PPP1R9A: variants seen among roughly 807,000 people sequenced by gnomAD.
PPP1R9A encodes neurabin-1.
In PPP1R9A, 59 loss-of-function variants were observed where a neutral mutation model predicts 141.9. That is an observed-to-expected ratio of 0.42 (90% CI 0.34 to 0.52). The LOEUF (loss-of-function observed/expected upper bound fraction) is 0.52, where lower values mean the gene tolerates loss of function less well. Ranked by LOEUF, PPP1R9A falls within the 20% of genes least tolerant of loss-of-function variation. PPP1R9A has a pLI of 0.10. For missense variants in PPP1R9A, 1,444 were observed against 1,611.9 expected (o/e 0.90, Z 1.78); for synonymous variants, 500 against 569.7 (o/e 0.88, Z 1.74).
At chr7:95,109,207 G>A (rs2152435585) in intron 2 of PPP1R9A, among the ~76,000 whole-genome samples, 1 of 152,266 alleles carries the variant, frequency 6.6e-6, no homozygotes, top group South Asian at 2.1e-4. Context: ...AGTCAAATAT[G>A]TGAATTTCTG....
intron 2 of PPP1R9A, among the ~76,000 whole-genome samples, chr7:95,077,545 T>G (rs941987551): frequency 1.2e-4 from 18 of 152,180 alleles, no homozygotes; most frequent in African/African-American, 3.9e-4. Context: ...ATGAGGGAAC[T>G]GTAGAGGAGG....
chr7:94,960,984 A>T (rs1797576364), intron 2 of PPP1R9A, among the ~76,000 whole-genome samples: 1 of 151,662 alleles, frequency 6.6e-6, no homozygotes. Context: ...GGCAGGGAAG[A>T]TACATGTTCT....
intron 4 of PPP1R9A, among the ~76,000 whole-genome samples, chr7:95,144,907 C>A (rs1443918810): frequency 2.0e-5 from 3 of 152,092 alleles, no homozygotes; most frequent in African/African-American, 7.2e-5. Context: ...ACTGAGTGGA[C>A]AACGTACAAA....
At chr7:95,043,832 C>T (rs1259923679) in intron 2 of PPP1R9A, among the ~76,000 whole-genome samples, 1 of 152,178 alleles carries the variant, frequency 6.6e-6, no homozygotes, top group African/African-American at 2.4e-5. Context: ...AACATCATCT[C>T]TAGACCCAGT....
chr7:95,108,307 CTTTT>C (rs1166103728), intron 2 of PPP1R9A, among the ~76,000 whole-genome samples: 1 of 59,596 alleles, frequency 1.7e-5, no homozygotes. Context: ...CGTTTCTTTT[CTTTT>C]TTTTTTTTTT....
intron 2 of PPP1R9A, among the ~76,000 whole-genome samples, chr7:94,999,637 C>G (rs928247087): frequency 1.4e-4 from 21 of 152,122 alleles, no homozygotes; most frequent in African/African-American, 4.8e-4. Flanking sequence ...AATATTCATC[C>G]AATGAACAGA....
intron 2 of PPP1R9A, among the ~76,000 whole-genome samples, chr7:95,074,726 G>A (rs918653544): frequency 1.3e-4 from 19 of 151,796 alleles, no homozygotes; most frequent in African/African-American, 3.4e-4. Context: ...CACCCGTCTC[G>A]GCCTCCCAAA....
chr7:95,168,126 T>C (rs1831551339), intron 5 of PPP1R9A, among the ~76,000 whole-genome samples: 1 of 152,150 alleles, frequency 6.6e-6, no homozygotes, highest in Admixed American at 6.6e-5. Flanking sequence ...GGCATCACAT[T>C]ACCTGACTTC....
chr7:95,236,230 T>A (rs1796665006), intron 8 of PPP1R9A, among the ~76,000 whole-genome samples: 1 of 152,154 alleles, frequency 6.6e-6, no homozygotes, highest in Non-Finnish European at 1.5e-5. Context: ...TTTTCAGAAA[T>A]TACTTTTATA....
intron 2 of PPP1R9A, among the ~76,000 whole-genome samples, chr7:94,924,306 T>C (rs1793186110): frequency 6.6e-6 from 1 of 152,230 alleles, no homozygotes; most frequent in Admixed American, 6.5e-5. Flanking sequence ...TGTTTTTCCA[T>C]AGAGACTATG....
At chr7:95,183,544 G>A (rs1378951332) in intron 5 of PPP1R9A, among the ~76,000 whole-genome samples, 40 of 141,676 alleles carry the variant, frequency 2.8e-4, no homozygotes, top group Admixed American at 1.4e-3. Flanking sequence ...TCTGCCTCCC[G>A]GGTTCAAGTG....
At chr7:95,048,308 T>G (rs933712128) in intron 2 of PPP1R9A, among the ~76,000 whole-genome samples, 7 of 152,228 alleles carry the variant, frequency 4.6e-5, no homozygotes, top group African/African-American at 1.7e-4. Flanking sequence ...AACAAAGTTT[T>G]AAGATAAACA....
intron 8 of PPP1R9A, among the ~76,000 whole-genome samples, chr7:95,241,802 A>G (rs1293273754): frequency 6.6e-6 from 1 of 152,294 alleles, no homozygotes; most frequent in South Asian, 2.1e-4. Context: ...AGTTATCTTT[A>G]TGGAAGTTTC....
intron 2 of PPP1R9A, among the ~76,000 whole-genome samples, chr7:95,088,070 C>T (rs1381921692): frequency 6.6e-6 from 1 of 151,824 alleles, no homozygotes; most frequent in Non-Finnish European, 1.5e-5. Flanking sequence ...ATTGTTTGAG[C>T]TTTATTCTGT....
At chr7:95,117,707 CT>C (rs1183248750) in intron 3 of PPP1R9A, among the ~76,000 whole-genome samples, 2 of 152,046 alleles carry the variant, frequency 1.3e-5, no homozygotes, top group Non-Finnish European at 2.9e-5. Flanking sequence ...TGAGAGGAGC[CT>C]TTTGTACGGT....
At chr7:95,167,677 T>A (rs894475843) in intron 5 of PPP1R9A, among the ~76,000 whole-genome samples, 1 of 152,092 alleles carries the variant, frequency 6.6e-6, no homozygotes, top group Non-Finnish European at 1.5e-5. Flanking sequence ...AACTCTTAGA[T>A]CTGATAAAAC....
intron 2 of PPP1R9A, among the ~76,000 whole-genome samples, chr7:94,941,323 T>C (rs1795314006): frequency 6.6e-6 from 1 of 152,236 alleles, no homozygotes; most frequent in Middle Eastern, 3.4e-3. Context: ...GGTAAGACAA[T>C]TGCCTAAACC....
At position 95,290,295 on chromosome 7, in the gene PPP1R9A, G is replaced by A. The variant is rs1260725766; in HGVS notation, c.4117G>A (p.Glu1373Lys). The A allele has an allele frequency of 6.2e-7, 1 of 1,609,180 alleles. No homozygotes were observed. Among genetic ancestry groups the A allele is most frequent in the South Asian group, 1.1e-5 (1 of 90,086 alleles). Residue 1373 changes from glutamate (E) to lysine (K), a missense_variant, in exon 20 of 20, where the codon GAG becomes AAG. Around this residue, in one of 5 missense-constraint regions of PPP1R9A, gnomAD observed 459 missense variants for 513.8 expected, o/e 0.89. Transcript: ENST00000433360. ...MTSTTAEGAGEQ is the reference protein window; with the variant it reads ...MTSTTAEGAGKQ ...GTCAACTACAGCCGAGGGTGCTGGT[G>A]AGCAGTAACACATACCCTCTTACAG...
At chr7:95,239,761 C>T (rs1021131516) in intron 8 of PPP1R9A, among the ~76,000 whole-genome samples, 6 of 146,988 alleles carry the variant, frequency 4.1e-5, no homozygotes, top group Non-Finnish European at 9.1e-5. Context: ...AATTTAAGGA[C>T]AAAATAAAAA....
Sources: allele counts gnomAD v4.1 joint callset (sites outside exome capture counted in the v4.1 genomes callset), GRCh38; gene constraint gnomAD v4.1.1; regional missense constraint gnomAD v4.1.1; transcripts MANE v1.5; gene names NCBI Gene and HGNC (gene_info 2026-07-23, HGNC 2026-07-21).